The following RBBP4 variants were observed in gnomAD, a reference collection of about 807,000 sequenced individuals.
The protein encoded by RBBP4 is RB binding protein 4, chromatin remodeling factor, also known as histone-binding protein RBBP4.
RBBP4 carries 3 observed loss-of-function variants against 57.2 expected under a neutral mutation model. The ratio of observed to expected loss-of-function variants is 0.05; its 90% CI spans 0.02 to 0.14. RBBP4 has a LOEUF of 0.14. Among genes scored for constraint, RBBP4 ranks in the 10% least tolerant of loss-of-function variants. The pLI is 1.00. For missense variants in RBBP4, 107 were observed against 520.6 expected (o/e 0.21, Z 7.73); for synonymous variants, 151 against 171.5 (o/e 0.88, Z 0.93).
chr1:32,674,424 G>A (rs1288398818), intron 11 of RBBP4, among the ~76,000 whole-genome samples: 1 of 152,048 alleles, frequency 6.6e-6, no homozygotes, highest in Non-Finnish European at 1.5e-5. Context: ...TTGTAGAGAT[G>A]GGGTTTGCCA....
At position 32,679,698 on chromosome 1, in the gene RBBP4, G is replaced by C. The variant is rs752787659; in HGVS notation, c.1271G>C (p.Gly424Ala). 26 of 1,611,622 alleles carry C rather than the reference G, an allele frequency of 1.6e-5. No individual in the cohort carries two copies. The highest frequency in any genetic ancestry group is 2.2e-5 in the Non-Finnish European group (26 of 1,179,028). ...GGAAGCGTGGATCCAGAAGGACAAG[G>C]GTCCTAGATATGTCTTTACTTGTTG... ...PEGSVDPEGQGS is the reference protein window; with the variant it reads ...PEGSVDPEGQAS Residue 424 changes from glycine (G) to alanine (A), a missense_variant, in exon 12 of 12, where the codon GGG (glycine) becomes GCG (alanine). Physicochemically the swap from Gly to Ala is moderately conservative, Grantham distance 60 (BLOSUM62 0). Transcript: ENST00000373493.
Sources: gnomAD v4.1 joint callset for allele counts (sites outside exome capture counted in the v4.1 genomes callset) on GRCh38, gnomAD v4.1.1 for gene constraint, MANE v1.5 for transcripts, NCBI Gene and HGNC (gene_info 2026-07-23, HGNC 2026-07-21) for gene names.